Variants in FMN2 observed in about 807,000 individuals in gnomAD.
FMN2 encodes formin 2.
A neutral mutation model predicts 142.3 loss-of-function variants in FMN2; 51 were observed. That is an observed-to-expected ratio of 0.36 (90% CI 0.29 to 0.45). FMN2 has a LOEUF of 0.45. Among genes scored for constraint, FMN2 ranks in the 20% least tolerant of loss-of-function variants. The pLI, the probability that FMN2 is intolerant of heterozygous loss-of-function variation, is 1.00. For synonymous variants in FMN2, 882 were observed against 869.8 expected (o/e 1.01, Z -0.25); for missense variants, 1,936 against 2,122.8 (o/e 0.91, Z 1.73).
rs148960269 is a variant in FMN2, at chr1:240,405,787, A to G, written c.4910+13225A>G. On this transcript the variant is annotated intron_variant, in intron 15 of 17. Coordinates refer to ENST00000319653, the MANE Select transcript of FMN2 (RefSeq NM_020066.5). ...AGAGGAAGAAAAAAATTTTTTTCTA[A>G]GGAGAATGAAAGCATGAGTTAGTGA... 6.6e-5 allele frequency among the ~76,000 whole-genome samples: 10 copies of G among 152,310 alleles called. No individual in the cohort carries two copies. In the East Asian group the frequency reaches 1.9e-3, roughly 29 times the overall value.
chr1:240,226,492 G>T (rs1433964733), intron 6 of FMN2, among the ~76,000 whole-genome samples: 2 of 152,298 alleles, frequency 1.3e-5, no homozygotes, highest in African/African-American at 2.4e-5. Context: ...AAAACTGAGA[G>T]AATTTGTTGC....
intron 15 of FMN2, among the ~76,000 whole-genome samples, chr1:240,418,461 C>T (rs1017729542): frequency 2.6e-5 from 4 of 152,130 alleles, no homozygotes; most frequent in African/African-American, 9.7e-5. Flanking sequence ...TCCCAAAGTG[C>T]AGGGATTACA....
chr1:240,399,744 A>C (rs1673908729), intron 15 of FMN2, among the ~76,000 whole-genome samples: 1 of 152,084 alleles, frequency 6.6e-6, no homozygotes, highest in Admixed American at 6.6e-5. Context: ...AGGTGTAGCC[A>C]ACCGAGAATG....
chr1:240,293,734 TG>T (rs1418669286), intron 7 of FMN2, among the ~76,000 whole-genome samples: 4 of 152,122 alleles, frequency 2.6e-5, no homozygotes, highest in African/African-American at 9.7e-5. Flanking sequence ...ATTATTAGGG[TG>T]GAAGTATCAT....
At chr1:240,121,735 T>TAAAAAAA (rs71168898) in intron 1 of FMN2, among the ~76,000 whole-genome samples, 641 of 25,686 alleles carry the variant, frequency 0.025, 105 homozygotes, top group South Asian at 0.044. Context: ...AGGGAAATAG[T>TAAAAAAA]AAAAAAAAAA....
intron 2 of FMN2, among the ~76,000 whole-genome samples, chr1:240,146,284 C>T (rs1039020852): frequency 6.7e-6 from 1 of 149,380 alleles, no homozygotes; most frequent in South Asian, 2.1e-4. Flanking sequence ...GTCCCAGTTA[C>T]TTGGGAGGCT....
intron 14 of FMN2, among the ~76,000 whole-genome samples, chr1:240,361,137 ATGTGTATATATATATATATAT>A (rs1672455608): frequency 5.8e-5 from 7 of 121,198 alleles, no homozygotes; most frequent in African/African-American, 9.7e-5. Flanking sequence ...AAATAAATAT[ATGTGTATATATATATATATAT>A]ATATATATAT....
intron 6 of FMN2, among the ~76,000 whole-genome samples, chr1:240,248,432 G>GATATATATATAT (rs36215850): frequency 2.5e-4 from 36 of 142,438 alleles, no homozygotes; most frequent in African/African-American, 7.6e-4. Context: ...CATGTGATTG[G>GATATATATATAT]ATATATATAT....
intron 1 of FMN2, among the ~76,000 whole-genome samples, chr1:240,109,499 G>C (rs554767635): frequency 1.5e-4 from 23 of 152,206 alleles, no homozygotes; most frequent in African/African-American, 5.5e-4. Context: ...AGTAAAATGG[G>C]AGACTCTCCC....
chr1:240,322,603 G>A (rs548457018), intron 8 of FMN2, among the ~76,000 whole-genome samples: 2 of 152,268 alleles, frequency 1.3e-5, no homozygotes, highest in East Asian at 3.9e-4. Flanking sequence ...GTGGCGGTAT[G>A]CTAGAGAGGA....
At chr1:240,340,598 T>C (rs1671713856) in intron 13 of FMN2, among the ~76,000 whole-genome samples, 1 of 151,924 alleles carries the variant, frequency 6.6e-6, no homozygotes, top group African/African-American at 2.4e-5. Context: ...AAAAAATTGT[T>C]CCCCCTTGTT....
intron 2 of FMN2, among the ~76,000 whole-genome samples, chr1:240,126,105 G>A (rs989771874): frequency 2.6e-5 from 4 of 152,164 alleles, no homozygotes; most frequent in South Asian, 2.1e-4. Context: ...CATTGGATGC[G>A]CAGTCAAGGA....
intron 1 of FMN2, among the ~76,000 whole-genome samples, chr1:240,103,768 C>A (rs563841926): frequency 6.7e-4 from 102 of 152,320 alleles, no homozygotes; most frequent in African/African-American, 2.3e-3. Context: ...ACTTAACATA[C>A]AAACTTGAAT....
chr1:240,170,174 T>C lies in FMN2; in HGVS notation c.1783-7747T>C, dbSNP rs537876193. The stretch of plus-strand genomic sequence containing the variant: ...CGCCGACCAGAACCCGTGGACATGG[T>C]GAACCAGGTTATCAAGTGCAAGGCT... On this transcript the variant is annotated intron_variant, in intron 2 of 17. Coordinates refer to ENST00000319653, the MANE Select transcript of FMN2 (RefSeq NM_020066.5). 4.9e-6 allele frequency: 5 copies of C among 1,019,564 alleles called. No individual in the cohort carries two copies. In the South Asian group the frequency reaches 7.0e-5, roughly 14 times the overall value. The allele number at this position is 1,019,564 out of a possible 1,614,324, so 63.2% of individuals were successfully genotyped here.
chr1:240,450,471 T>A lies in FMN2; in HGVS notation c.5060+12261T>A, dbSNP rs1355119495. Among the ~76,000 whole-genome samples, 8 of 152,346 alleles carry A rather than the reference T, an allele frequency of 5.3e-5. No individual in the cohort carries two copies. The East Asian group carries it at 1.5e-3, about 29-fold the overall frequency. ...TTCTAAGTCTGAACACTTTAGGTAA[T>A]CAACCTCATCTGTCATTTTATCTTG... On this transcript the variant is annotated intron_variant, in intron 16 of 17. Coordinates refer to ENST00000319653, the MANE Select transcript of FMN2 (RefSeq NM_020066.5).
At chr1:240,150,983 G>A (rs1376623411) in intron 2 of FMN2, among the ~76,000 whole-genome samples, 1 of 152,152 alleles carries the variant, frequency 6.6e-6, no homozygotes, top group East Asian at 1.9e-4. Context: ...TATATCCATA[G>A]CTTCAGAAAA....
chr1:240,316,560 A>AG (rs146618889), intron 8 of FMN2, among the ~76,000 whole-genome samples: 46 of 152,208 alleles, frequency 3.0e-4, no homozygotes, highest in African/African-American at 9.4e-4. Flanking sequence ...GATGTTTTTC[A>AG]GGGGAAGACT....
chr1:240,272,220 A>T (rs1307197932), intron 7 of FMN2, among the ~76,000 whole-genome samples: 4 of 152,156 alleles, frequency 2.6e-5, no homozygotes, highest in African/African-American at 7.2e-5. Flanking sequence ...CTTTAAGATC[A>T]GTGGGTGACT....
chr1:240,348,290 C>T (rs879637369), intron 13 of FMN2, among the ~76,000 whole-genome samples: 8 of 150,574 alleles, frequency 5.3e-5, no homozygotes, highest in African/African-American at 9.8e-5. Flanking sequence ...GGCATGGTCT[C>T]GGCTCACTGC....
Sources: gnomAD v4.1 joint callset for allele counts (sites outside exome capture counted in the v4.1 genomes callset) on GRCh38, gnomAD v4.1.1 for gene constraint, MANE v1.5 for transcripts, NCBI Gene and HGNC (gene_info 2026-07-23, HGNC 2026-07-21) for gene names.